The following AGBL1 variants were observed in gnomAD, a reference collection of about 807,000 sequenced individuals.
AGBL1 encodes AGBL carboxypeptidase 1, also known as cytosolic carboxypeptidase 4.
A neutral mutation model predicts 118.9 loss-of-function variants in AGBL1; 130 were observed. The observed-to-expected ratio is 1.09, with a 90% CI of 0.95 to 1.26. The LOEUF (loss-of-function observed/expected upper bound fraction) is 1.26, where lower values mean the gene tolerates loss of function less well. AGBL1 is among the 50% of genes most tolerant of loss of function. AGBL1 has a pLI of 0.00. For missense variants in AGBL1, 1,584 were observed against 1,298.1 expected (o/e 1.22, Z -3.38); for synonymous variants, 555 against 478.9 (o/e 1.16, Z -2.08).
At chr15:86,428,798 G>A (rs1221333706) in intron 18 of AGBL1, among the ~76,000 whole-genome samples, 1 of 152,196 alleles carries the variant, frequency 6.6e-6, no homozygotes. Context: ...CTTTCCAAAA[G>A]CAAAGGAATA....
chr15:86,136,283 T>A (rs901846650), intron 1 of AGBL1, among the ~76,000 whole-genome samples: 4 of 152,212 alleles, frequency 2.6e-5, no homozygotes, highest in Non-Finnish European at 5.9e-5. Flanking sequence ...AACAGAGATA[T>A]AAGAAAATAA....
At chr15:86,141,304 G>A (rs189690419) in intron 1 of AGBL1, among the ~76,000 whole-genome samples, 13 of 152,336 alleles carry the variant, frequency 8.5e-5, no homozygotes, top group African/African-American at 2.9e-4. Flanking sequence ...TGTCAGTCAG[G>A]GAAGTCTTTT....
At chr15:86,375,965 A>G (rs988827814) in intron 17 of AGBL1, among the ~76,000 whole-genome samples, 3 of 152,232 alleles carry the variant, frequency 2.0e-5, no homozygotes, top group African/African-American at 7.2e-5. Context: ...CTGGTGAGCC[A>G]GGCAGCCAAA....
At chr15:86,583,999 G>C (rs961564468) in intron 21 of AGBL1, among the ~76,000 whole-genome samples, 5 of 152,082 alleles carry the variant, frequency 3.3e-5, no homozygotes, top group Non-Finnish European at 5.9e-5. Context: ...TTTGAGAAGT[G>C]TCTGTTAATG....
chr15:86,906,945 C>A (rs2080288724), intron 22 of AGBL1, 142 bp from the exon 23 acceptor site: 1 of 152,238 alleles, frequency 6.6e-6, no homozygotes, highest in African/African-American at 2.4e-5. Flanking sequence ...AATGTGTTCC[C>A]TTTTTTGGCT....
At chr15:86,296,222 A>AC (rs1174992409) in intron 17 of AGBL1, 18 of 150,618 alleles carry the variant, frequency 1.2e-4, no homozygotes, top group African/African-American at 4.0e-4. Context: ...AGGCAAAAAA[A>AC]AAAAAAACAA....
intron 22 of AGBL1, among the ~76,000 whole-genome samples, chr15:86,763,701 C>T (rs8034076): frequency 0.04 from 6,070 of 152,020 alleles, 296 homozygotes; most frequent in African/African-American, 0.1. Context: ...GGACTGTGTC[C>T]TAGCCCTGGC....
chr15:86,506,973 TA>T (rs1426999251), intron 18 of AGBL1, among the ~76,000 whole-genome samples: 15 of 152,096 alleles, frequency 9.9e-5, no homozygotes, highest in African/African-American at 3.6e-4. Context: ...TGCCTATGTT[TA>T]GCTTGAAGTG....
At chr15:86,733,956 C>T (rs1464457032) in intron 22 of AGBL1, among the ~76,000 whole-genome samples, 1 of 152,072 alleles carries the variant, frequency 6.6e-6, no homozygotes, top group Non-Finnish European at 1.5e-5. Context: ...TAAGTAAACT[C>T]CTCCTCCCTT....
chr15:86,637,119 T>C (rs543630678), intron 21 of AGBL1, among the ~76,000 whole-genome samples: 39 of 152,102 alleles, frequency 2.6e-4, no homozygotes, highest in African/African-American at 9.4e-4. Context: ...CAAAATATAT[T>C]TGGTACCTGC....
At chr15:86,410,318 A>G (rs1025091406) in intron 18 of AGBL1, among the ~76,000 whole-genome samples, 1 of 152,130 alleles carries the variant, frequency 6.6e-6, no homozygotes, top group Non-Finnish European at 1.5e-5. Flanking sequence ...AAGGAGAAAC[A>G]GTTTTTACTT....
intron 24 of AGBL1, among the ~76,000 whole-genome samples, chr15:86,994,358 G>A (rs983652336): frequency 3.3e-5 from 5 of 152,004 alleles, no homozygotes; most frequent in African/African-American, 1.2e-4. Flanking sequence ...CCCAGGATGG[G>A]GTCGGATGGG....
chr15:86,445,576 T>C (rs909065044), intron 18 of AGBL1, among the ~76,000 whole-genome samples: 5 of 152,258 alleles, frequency 3.3e-5, no homozygotes, highest in Admixed American at 6.5e-5. Context: ...AATAAACAAG[T>C]GCCTGCTAGC....
rs564106665 is a variant in AGBL1, at chr15:86,620,925, G to A, written c.2995-53348G>A. Among the ~76,000 whole-genome samples, 11 of 151,690 alleles carry A rather than the reference G, an allele frequency of 7.3e-5. No individual in the cohort carries two copies. In the East Asian group the frequency reaches 2.0e-3, roughly 27 times the overall value. ...CGTGCTTTGAATATTTCTCTTCAAA[G>A]GGAGGGGCTGCTCTTTCCCTCCAGT... On this transcript the variant is annotated intron_variant, in intron 21 of 22. Transcript: ENST00000614907.
intron 18 of AGBL1, among the ~76,000 whole-genome samples, chr15:86,444,798 C>A (rs1220865308): frequency 3.9e-5 from 6 of 152,046 alleles, no homozygotes; most frequent in Non-Finnish European, 5.9e-5. Context: ...ACTCCCCATG[C>A]CTTCACAGTC....
At chr15:86,817,666 C>CAG (rs938958773) in intron 22 of AGBL1, among the ~76,000 whole-genome samples, 24 of 150,290 alleles carry the variant, frequency 1.6e-4, no homozygotes, top group African/African-American at 5.6e-4. Context: ...CACACACACA[C>CAG]AGAAAGAGAC....
downstream of AGBL1, among the ~76,000 whole-genome samples, chr15:86,920,107 C>T (rs983412341): frequency 1.3e-5 from 2 of 152,124 alleles, no homozygotes; most frequent in Admixed American, 6.5e-5. Flanking sequence ...CAAGAGGCCT[C>T]GAAACTGAAA....
At chr15:86,445,143 G>C (rs1567264177) in intron 18 of AGBL1, among the ~76,000 whole-genome samples, 1 of 152,130 alleles carries the variant, frequency 6.6e-6, no homozygotes, top group Non-Finnish European at 1.5e-5. Flanking sequence ...TCAGACAGGG[G>C]TCAAGAACAA....
intron 5 of AGBL1, among the ~76,000 whole-genome samples, chr15:86,172,524 T>C (rs772031407): frequency 6.6e-6 from 1 of 152,204 alleles, no homozygotes; most frequent in Non-Finnish European, 1.5e-5. Context: ...TCCCAGCCTC[T>C]GGTAACTATC....
Sources: gnomAD v4.1 joint callset for allele counts (sites outside exome capture counted in the v4.1 genomes callset) on GRCh38, gnomAD v4.1.1 for gene constraint, MANE v1.5 for transcripts, NCBI Gene and HGNC (gene_info 2026-07-23, HGNC 2026-07-21) for gene names.